ADAMTS3: variants seen among roughly 807,000 people sequenced by gnomAD.
ADAMTS3 encodes ADAM metallopeptidase with thrombospondin type 1 motif 3.
ADAMTS3 carries 73 observed loss-of-function variants against 129.0 expected under a neutral mutation model. The ratio of observed to expected loss-of-function variants is 0.57; its 90% CI spans 0.47 to 0.69. The LOEUF is 0.69. Among genes scored for constraint, ADAMTS3 ranks in the 30% least tolerant of loss-of-function variants. ADAMTS3 has a pLI of 0.00. For synonymous variants in ADAMTS3, 477 were observed against 510.8 expected, an observed-to-expected ratio of 0.93 and a Z score of 0.89; for missense variants, 1,457 against 1,514.5, an observed-to-expected ratio of 0.96 and a Z score of 0.63.
chr4:72,391,148 GAAAGGGTAGTTAGAGGGAAGAAAGAAT>G (rs1560497793), intron 4 of ADAMTS3, among the ~76,000 whole-genome samples: 1 of 152,184 alleles, frequency 6.6e-6, no homozygotes, highest in Admixed American at 6.5e-5. Context: ...TTAGAGGGAA[GAAAGGGTAGTTAGAGGGAAGAAAGAAT>G]AAAGGGTAGT....
chr4:72,306,024 C>A lies in ADAMTS3; in HGVS notation c.2223G>T (p.Val741=), dbSNP rs201350410. 75 of 1,611,670 alleles carry A rather than the reference C, an allele frequency of 4.7e-5. No homozygotes were observed. Among genetic ancestry groups the A allele is most frequent in the Non-Finnish European group, 5.8e-5 (68 of 1,178,774 alleles). The change falls in exon 16 of 22, where the codon GTG becomes GTT. Residue 741 remains valine, a synonymous_variant. Transcript: ENST00000286657. ...MFDIPPGARH[V]LIQEDEASPH... Reference sequence around the variant, plus strand: ...GAGAAGCCTCGTCTTCTTGGATTAACACATGTCTAGCCCCAGGGGGTATAT... The same window carrying A: ...GAGAAGCCTCGTCTTCTTGGATTAAAACATGTCTAGCCCCAGGGGGTATAT...
At chr4:72,445,070 T>A (rs1035044508) in intron 3 of ADAMTS3, among the ~76,000 whole-genome samples, 22 of 151,560 alleles carry the variant, frequency 1.5e-4, no homozygotes, top group African/African-American at 3.9e-4. Context: ...GGAGACTGAC[T>A]GCTAATGGGC....
rs570610713 is a variant in ADAMTS3, at chr4:72,478,760, T to C, written c.505-63789A>G. On this transcript the variant is annotated intron_variant, in intron 3 of 21. Transcript: ENST00000286657. ...AAAAGAGGAAGTCAAATTGTCCCTG[T>C]TTGCAGTTGACATGATTCTATATCT... is the stretch of plus-strand genomic sequence containing the variant. Among the ~76,000 whole-genome samples, 303 of 152,236 alleles carry C rather than the reference T, an allele frequency of 2.0e-3. 1 individual carries two copies. The highest frequency in any genetic ancestry group is 6.9e-3 in the African/African-American group (285 of 41,520).
chr4:72,539,217 AAG>A (rs1217812114), intron 3 of ADAMTS3, among the ~76,000 whole-genome samples: 4 of 152,130 alleles, frequency 2.6e-5, no homozygotes, highest in Non-Finnish European at 5.9e-5. Context: ...ACAGAGTAAA[AAG>A]GCAACACACA....
rs150503810 is a variant in ADAMTS3 at position 72,304,051 on chromosome 4, T to C, written c.2290A>G (p.Ile764Val). 1.7e-5 allele frequency: 27 copies of C among 1,613,610 alleles called. No individual in the cohort carries two copies. The African/African-American group carries it at 2.9e-4, about 18-fold the overall frequency. The change falls in exon 17 of 22, where the codon ATT (isoleucine) becomes GTT (valine). Residue 764 changes from isoleucine (I) to valine (V), a missense_variant. Transcript: ENST00000286657. ...GCTTCCTCCCCTTTGCCATTTAAAA[T>C]ATAATGGCCTGTAGCCTGGTTCTTA... ...AIKNQATGHY[I>V]LNGKGEEAKS...
At position 72,556,591 on chromosome 4, in the gene ADAMTS3, G is replaced by A. The variant is rs979771116; in HGVS notation, c.98-7707C>T. Among the ~76,000 whole-genome samples the A allele has an allele frequency of 7.9e-5, 12 of 151,784 alleles. 1 individual carries two copies. Among genetic ancestry groups the A allele is most frequent in the Admixed American group, 6.5e-4 (10 of 15,276 alleles). Reference sequence around the variant, plus strand: ...TTGTGATTGATGCATATGGCTCCAAGCAAGGAAGAGATTTGGGTATGATGG... The same window carrying A: ...TTGTGATTGATGCATATGGCTCCAAACAAGGAAGAGATTTGGGTATGATGG... On this transcript the variant is annotated intron_variant, in intron 2 of 21. Transcript: ENST00000286657.
At chr4:72,294,045 A>G (rs187614268) in intron 19 of ADAMTS3, among the ~76,000 whole-genome samples, 1 of 152,058 alleles carries the variant, frequency 6.6e-6, no homozygotes, top group Non-Finnish European at 1.5e-5. Flanking sequence ...ACACGGGAGA[A>G]TTTTTTTCAA....
chr4:72,434,232 G>T (rs1335831258), intron 3 of ADAMTS3, among the ~76,000 whole-genome samples: 1 of 151,494 alleles, frequency 6.6e-6, no homozygotes, highest in Non-Finnish European at 1.5e-5. Context: ...TACCATAACT[G>T]CAATAGCAAT....
At chr4:72,379,728 G>C (rs1276626953) in intron 4 of ADAMTS3, among the ~76,000 whole-genome samples, 1 of 152,020 alleles carries the variant, frequency 6.6e-6, no homozygotes, top group African/African-American at 2.4e-5. Flanking sequence ...ATACACTTCA[G>C]TCTCCATGCT....
At chr4:72,527,751 G>A (rs764604100) in intron 3 of ADAMTS3, among the ~76,000 whole-genome samples, 14 of 152,044 alleles carry the variant, frequency 9.2e-5, no homozygotes, top group Non-Finnish European at 2.1e-4. Flanking sequence ...ATTCCATTAC[G>A]AAGAAACTTT....
At chr4:72,410,163 G>A (rs977412490) in intron 4 of ADAMTS3, among the ~76,000 whole-genome samples, 1 of 152,102 alleles carries the variant, frequency 6.6e-6, no homozygotes, top group Non-Finnish European at 1.5e-5. Context: ...ATACTGACAT[G>A]TCTACAGATT....
At chr4:72,517,190 T>G (rs1720512187) in intron 3 of ADAMTS3, among the ~76,000 whole-genome samples, 3 of 152,148 alleles carry the variant, frequency 2.0e-5, no homozygotes, top group African/African-American at 7.2e-5. Flanking sequence ...TGAAGCCCAC[T>G]TGATCATGGT....
intron 3 of ADAMTS3, among the ~76,000 whole-genome samples, chr4:72,426,903 G>T (rs992296467): frequency 7.9e-5 from 12 of 151,728 alleles, no homozygotes; most frequent in African/African-American, 1.2e-4. Flanking sequence ...CAAAAGAAAA[G>T]AAAAAATAAA....
intron 3 of ADAMTS3, among the ~76,000 whole-genome samples, chr4:72,499,925 C>T (rs1035217507): frequency 1.3e-5 from 2 of 152,126 alleles, no homozygotes; most frequent in Non-Finnish European, 2.9e-5. Flanking sequence ...TGGCCTCCAG[C>T]TGCATCTATA....
At position 72,378,901 on chromosome 4, in the gene ADAMTS3, G is replaced by A. The variant is rs967930087; in HGVS notation, c.661+35914C>T. On this transcript the variant is annotated intron_variant, in intron 4 of 21. Transcript: ENST00000286657. ...TAAACTTTTTCTCTTTCAGATTCTC[G>A]AGTTGTTAAAATTCATCTCCTTGTG... Among the ~76,000 whole-genome samples the A allele has an allele frequency of 5.9e-5, 9 of 151,956 alleles. No individual in the cohort carries two copies. In the South Asian group the frequency reaches 6.2e-4, roughly 11 times the overall value.
In ADAMTS3 at chr4:72,328,941, C is replaced by A. The variant is rs1719767160; in HGVS notation, c.862-5844G>T. Among the ~76,000 whole-genome samples, 3 of 152,230 alleles carry A rather than the reference C, an allele frequency of 2.0e-5. No individual in the cohort carries two copies. In the South Asian group the frequency reaches 6.2e-4, roughly 32 times the overall value. On this transcript the variant is annotated intron_variant, in intron 5 of 21. Coordinates refer to ENST00000286657, the MANE Select transcript of ADAMTS3 (RefSeq NM_014243.3). ...ACTCATACCTGCTTGTATTCTCAGC[C>A]CCATACTCAGTATTCCTTTTCCTCA...
intron 4 of ADAMTS3, among the ~76,000 whole-genome samples, chr4:72,371,893 A>T (rs1452388071): frequency 7.8e-6 from 1 of 127,426 alleles, no homozygotes; most frequent in African/African-American, 3.7e-5. Context: ...AAAGCAAGTC[A>T]TACAAATTTC....
intron 4 of ADAMTS3, among the ~76,000 whole-genome samples, chr4:72,396,927 A>G (rs6842759): frequency 0.97 from 148,306 of 152,264 alleles, 72,371 homozygotes; most frequent in South Asian, 1. Context: ...ATCATGAACA[A>G]CCTCAAGTTA....
chr4:72,300,008 C>A (rs1718910172), intron 17 of ADAMTS3, among the ~76,000 whole-genome samples: 1 of 152,026 alleles, frequency 6.6e-6, no homozygotes, highest in Non-Finnish European at 1.5e-5. Flanking sequence ...CATTGGTATT[C>A]CAAACTAAAT....
Sources: allele counts gnomAD v4.1 joint callset (sites outside exome capture counted in the v4.1 genomes callset), GRCh38; gene constraint gnomAD v4.1.1; transcripts MANE v1.5; gene names NCBI Gene and HGNC (gene_info 2026-07-23, HGNC 2026-07-21).